The following CAMSAP2 variants were observed in gnomAD, a reference collection of about 807,000 sequenced individuals.
CAMSAP2 encodes calmodulin-regulated spectrin-associated protein 2.
In CAMSAP2, 26 loss-of-function variants were observed where a neutral mutation model predicts 146.1. That is an observed-to-expected ratio of 0.18 (90% CI 0.13 to 0.25). The LOEUF is 0.25. CAMSAP2 is among the 10% of genes least tolerant of loss of function. The pLI, the probability that CAMSAP2 is intolerant of heterozygous loss-of-function variation, is 1.00. For synonymous variants in CAMSAP2, 499 were observed against 596.6 expected (o/e 0.84, Z 2.38); for missense variants, 1,381 against 1,759.3 (o/e 0.78, Z 3.85).
chr1:200,749,312 T>C (rs1664433314), intron 1 of CAMSAP2, among the ~76,000 whole-genome samples: 1 of 152,214 alleles, frequency 6.6e-6, no homozygotes, highest in African/African-American at 2.4e-5. Context: ...AGCTGTAGCT[T>C]GCCACAAGCC....
chr1:200,848,891 A>C lies in CAMSAP2; in HGVS notation c.2122A>C (p.Ser708Arg). ...TACCGATGGAAAAAGTAGTGGAAGC[A>C]GTTCTCAAAAAACTACACCAGAAGG... ...NHTDGKSSGS[S>R]SQKTTPEGSE... is the part of the protein sequence containing the mutation. The change falls in exon 11 of 17, where the codon AGT becomes CGT. Residue 708 changes from serine (S) to arginine (R), a missense_variant. By Grantham distance (110) the Ser-to-Arg change is moderately radical. Transcript: ENST00000358823. 8 of 1,614,196 alleles carry C rather than the reference A, an allele frequency of 5.0e-6. No homozygotes were observed. The highest frequency in any genetic ancestry group is 6.8e-6 in the Non-Finnish European group (8 of 1,180,010).
intron 3 of CAMSAP2, among the ~76,000 whole-genome samples, chr1:200,812,819 C>T (rs953563602): frequency 5.9e-5 from 9 of 152,184 alleles, no homozygotes; most frequent in African/African-American, 2.2e-4. Flanking sequence ...TTATTTGGCT[C>T]TACCTCTGTT....
At chr1:200,787,483 A>G (rs770777134) in intron 2 of CAMSAP2, among the ~76,000 whole-genome samples, 2 of 152,176 alleles carry the variant, frequency 1.3e-5, no homozygotes, top group Non-Finnish European at 2.9e-5. Flanking sequence ...ATAGGACTGA[A>G]TTGCTGTAAT....
At chr1:200,813,600 G>A (rs968407917) in intron 3 of CAMSAP2, among the ~76,000 whole-genome samples, 3 of 152,128 alleles carry the variant, frequency 2.0e-5, no homozygotes, top group African/African-American at 7.2e-5. Context: ...GTAGATATCT[G>A]TTGAATGTGC....
At chr1:200,820,839 A>G (rs754062066) in intron 4 of CAMSAP2, among the ~76,000 whole-genome samples, 1 of 152,222 alleles carries the variant, frequency 6.6e-6, no homozygotes, top group Non-Finnish European at 1.5e-5. Flanking sequence ...TTGATCTTTG[A>G]ACTGTTTTAT....
intron 2 of CAMSAP2, among the ~76,000 whole-genome samples, chr1:200,801,427 G>A (rs534513392): frequency 2.0e-5 from 3 of 152,148 alleles, no homozygotes; most frequent in Non-Finnish European, 4.4e-5. Flanking sequence ...TGCACTTCTC[G>A]AGGAGTATCT....
chr1:200,852,656 A>G lies in CAMSAP2; in HGVS notation c.3581A>G (p.Glu1194Gly). 1 of 1,613,444 alleles carries G rather than the reference A, an allele frequency of 6.2e-7. No individual in the cohort carries two copies. Among genetic ancestry groups the G allele is most frequent in the Non-Finnish European group, 8.5e-7 (1 of 1,179,842 alleles). ...AAACAACAGTTGGAAGCAGAAATGGAGCATAAGAAGGAGGAAACAAGGTAA... is the reference window on the plus strand; with the variant it reads ...AAACAACAGTTGGAAGCAGAAATGGGGCATAAGAAGGAGGAAACAAGGTAA... Reference protein sequence around the residue: ...LRKQQLEAEMEHKKEETRRKT... With the variant: ...LRKQQLEAEMGHKKEETRRKT... Residue 1194 changes from glutamate (E) to glycine (G), a missense_variant, in exon 12 of 17, where the codon GAG becomes GGG. By Grantham distance (98) the Glu-to-Gly change is moderately conservative. Transcript: ENST00000358823.
In CAMSAP2 at chr1:200,848,786, C is replaced by A. The variant is rs1667532297; in HGVS notation, c.2017C>A (p.Gln673Lys). The change falls in exon 11 of 17, where the codon CAG becomes AAG. Residue 673 changes from glutamine to lysine, a missense_variant. Transcript: ENST00000358823. ...TCCAAGTACTGTAAGTACCAAGTCT[C>A]AGCCAGGCAGCAGTGCTTCTTCTAG... ...PCPSTVSTKSQPGSSASSSSG... is the reference protein window; with the variant it reads ...PCPSTVSTKSKPGSSASSSSG... The A allele has an allele frequency of 6.2e-7, 1 of 1,614,178 alleles. No individual in the cohort carries two copies. The highest frequency in any genetic ancestry group is 2.2e-5 in the East Asian group (1 of 44,886).
chr1:200,817,180 ACACACACACAT>A lies in CAMSAP2; in HGVS notation c.645+1537_645+1547del, dbSNP rs1187720517. Reference sequence around the variant, plus strand: ...CATACACACACGTGTGTGTATATACACACACACACATGTGTGTGTGTATACACACATACACA... The same window carrying A: ...CATACACACACGTGTGTGTATATACAGTGTGTGTGTATACACACATACACA... On this transcript the variant is annotated intron_variant, in intron 4 of 16. Transcript: ENST00000358823. Among the ~76,000 whole-genome samples, 271 of 63,488 alleles carry A rather than the reference ACACACACACAT, an allele frequency of 4.3e-3. 5 individuals carry two copies. Among genetic ancestry groups the A allele is most frequent in the African/African-American group, 0.018 (217 of 12,278 alleles). The allele number at this position is 63,488 out of a possible 152,430, so 41.7% of individuals were successfully genotyped here.
intron 8 of CAMSAP2, among the ~76,000 whole-genome samples, chr1:200,846,173 T>C (rs1333023994): frequency 6.6e-6 from 1 of 152,200 alleles, no homozygotes; most frequent in Non-Finnish European, 1.5e-5. Context: ...CACAAAAATA[T>C]GAAATTTAGC....
intron 4 of CAMSAP2, among the ~76,000 whole-genome samples, chr1:200,823,648 G>T (rs1000855341): frequency 3.3e-5 from 5 of 152,180 alleles, no homozygotes; most frequent in African/African-American, 1.2e-4. Flanking sequence ...ATAAGAACAT[G>T]ATTTAACACT....
intron 2 of CAMSAP2, among the ~76,000 whole-genome samples, chr1:200,762,851 C>T (rs1394037433): frequency 1.3e-5 from 2 of 151,914 alleles, no homozygotes; most frequent in Non-Finnish European, 2.9e-5. Flanking sequence ...CTGCTGATAG[C>T]TTTGAATGTA....
intron 2 of CAMSAP2, among the ~76,000 whole-genome samples, chr1:200,790,366 G>C (rs1237848305): frequency 2.0e-5 from 3 of 152,150 alleles, no homozygotes; most frequent in Non-Finnish European, 2.9e-5. Flanking sequence ...GGGAAGGGTT[G>C]GGGACAGTTT....
Position 200,859,852 on chromosome 1 carries a change from A to G in CAMSAP2, c.*1793A>G, listed in dbSNP as rs987762136. ...TAGATTAAAACTAGTTTAAAAAATTATAAATGAATCTAATCAAAATGTGAA... is the reference window on the plus strand; with the variant it reads ...TAGATTAAAACTAGTTTAAAAAATTGTAAATGAATCTAATCAAAATGTGAA... On this transcript the variant is annotated 3_prime_UTR_variant, in exon 17 of 17. Coordinates refer to ENST00000358823, the MANE Select transcript of CAMSAP2 (RefSeq NM_203459.4). The G allele has an allele frequency of 6.6e-6, 1 of 152,244 alleles. No individual in the cohort carries two copies. Among genetic ancestry groups the G allele is most frequent in the African/African-American group, 2.4e-5 (1 of 41,472 alleles). The allele number at this position is 152,244 out of a possible 1,614,324, so 9.4% of individuals were successfully genotyped here.
At chr1:200,854,566 T>C (rs746928884) in intron 13 of CAMSAP2, among the ~76,000 whole-genome samples, 8 of 152,220 alleles carry the variant, frequency 5.3e-5, no homozygotes, top group Non-Finnish European at 8.8e-5. Flanking sequence ...ATTAACACTT[T>C]CCTTTTGGAA....
intron 2 of CAMSAP2, 47 bp from the exon 3 acceptor site, chr1:200,807,329 T>C: frequency 7.3e-7 from 1 of 1,374,530 alleles, no homozygotes; most frequent in Non-Finnish European, 9.5e-7. Flanking sequence ...AAAAAGCAAT[T>C]TCTAAATATA....
At chr1:200,778,648 A>AT (rs1388840034) in intron 2 of CAMSAP2, among the ~76,000 whole-genome samples, 4 of 152,108 alleles carry the variant, frequency 2.6e-5, no homozygotes, top group Non-Finnish European at 4.4e-5. Context: ...TAATACCTGC[A>AT]TTTTTACCAG....
intron 4 of CAMSAP2, among the ~76,000 whole-genome samples, chr1:200,830,654 A>G (rs558209778): frequency 1.3e-5 from 2 of 152,212 alleles, no homozygotes; most frequent in Non-Finnish European, 2.9e-5. Context: ...TTCCCTCCCC[A>G]TGGTTGATTT....
At chr1:200,815,355 A>G (rs1017174225) in intron 3 of CAMSAP2, among the ~76,000 whole-genome samples, 2 of 152,182 alleles carry the variant, frequency 1.3e-5, no homozygotes, top group African/African-American at 4.8e-5. Context: ...TATTTGATAA[A>G]TTAATGAATT....
Sources: allele counts gnomAD v4.1 joint callset (sites outside exome capture counted in the v4.1 genomes callset), GRCh38; gene constraint gnomAD v4.1.1; transcripts MANE v1.5; gene names NCBI Gene and HGNC (gene_info 2026-07-23, HGNC 2026-07-21).